The following GMDS variants were observed in gnomAD, a reference collection of about 807,000 sequenced individuals.
GMDS encodes the protein GDP-mannose 4,6-dehydratase, also known as GDP-mannose 4,6 dehydratase.
In GMDS, 20 loss-of-function variants were observed where a neutral mutation model predicts 49.9. The ratio of observed to expected loss-of-function variants is 0.40; its 90% confidence interval spans 0.28 to 0.58. GMDS has a LOEUF of 0.58. GMDS is among the 20% of genes least tolerant of loss of function. The pLI is 0.42. For synonymous variants in GMDS, 177 were observed against 178.6 expected (o/e 0.99, Z 0.07); for missense variants, 362 against 481.4 (o/e 0.75, Z 2.32).
intron 1 of GMDS, among the ~76,000 whole-genome samples, chr6:2,205,788 G>A (rs1199167167): frequency 1.3e-5 from 2 of 152,084 alleles, no homozygotes; most frequent in Non-Finnish European, 2.9e-5. Context: ...GGGGGGGAGG[G>A]GGGTGTTGTA....
rs1018405955 is a variant in GMDS, at chr6:2,117,075, T to C, written c.235+394A>G. On this transcript the variant is annotated intron_variant, in intron 3 of 10. Transcript: ENST00000380815. ...TGGGCCTATCTTCACAAATTATTTT[T>C]AAAAATAATTAAATGTACAAAGATT... Among the ~76,000 whole-genome samples, 4 of 152,352 alleles carry C rather than the reference T, an allele frequency of 2.6e-5. No individual in the cohort carries two copies. The South Asian group carries it at 6.2e-4, about 24-fold the overall frequency.
intron 1 of GMDS, among the ~76,000 whole-genome samples, chr6:2,222,692 T>C (rs1780647023): frequency 6.6e-6 from 1 of 152,000 alleles, no homozygotes; most frequent in Non-Finnish European, 1.5e-5. Context: ...ACAGGATGAG[T>C]GGCAGGTTTC....
At chr6:2,131,625 T>C (rs1363698876) in intron 1 of GMDS, among the ~76,000 whole-genome samples, 1 of 152,176 alleles carries the variant, frequency 6.6e-6, no homozygotes, top group Non-Finnish European at 1.5e-5. Flanking sequence ...GAAGGATTTA[T>C]AGGGACAGAC....
At chr6:1,724,485 A>G (rs1026440300) in intron 9 of GMDS, among the ~76,000 whole-genome samples, 8 of 152,202 alleles carry the variant, frequency 5.3e-5, no homozygotes, top group Non-Finnish European at 1.0e-4. Context: ...GGAATGACAG[A>G]CAAGCCATTC....
chr6:1,758,716 T>A (rs1768049252), intron 7 of GMDS, among the ~76,000 whole-genome samples: 1 of 152,158 alleles, frequency 6.6e-6, no homozygotes, highest in African/African-American at 2.4e-5. Context: ...AAACTCTGTG[T>A]CTAGAGCTTG....
intron 4 of GMDS, among the ~76,000 whole-genome samples, chr6:2,025,360 GTGT>G (rs1561985331): frequency 0.038 from 30 of 784 alleles, no homozygotes; most frequent in East Asian, 0.12. Flanking sequence ...ATGGTGGGGT[GTGT>G]GTGTGTGTGT....
intron 7 of GMDS, among the ~76,000 whole-genome samples, chr6:1,914,970 G>A (rs969066867): frequency 6.6e-6 from 1 of 152,218 alleles, no homozygotes; most frequent in East Asian, 1.9e-4. Flanking sequence ...ACCTTGGGAG[G>A]TCTGCAAGTC....
chr6:1,714,414 A>G (rs1341010886), intron 9 of GMDS, among the ~76,000 whole-genome samples: 1 of 151,858 alleles, frequency 6.6e-6, no homozygotes, highest in Non-Finnish European at 1.5e-5. Context: ...AAAAAAAAAA[A>G]GAAAAACATT....
chr6:2,200,420 C>T lies in GMDS; in HGVS notation c.102+44901G>A, dbSNP rs546908916. Among the ~76,000 whole-genome samples the T allele has an allele frequency of 1.7e-3, 254 of 149,548 alleles. 1 individual carries two copies. The highest frequency in any genetic ancestry group is 6.0e-3 in the African/African-American group (242 of 40,576). On this transcript the variant is annotated intron_variant, in intron 1 of 10. Coordinates refer to ENST00000380815, the MANE Select transcript of GMDS (RefSeq NM_001500.4). The stretch of plus-strand genomic sequence containing the variant: ...GAAGACAGAACACCACATGGACATC[C>T]GAGATGTAACCATCCAGGCAGTGAG...
chr6:1,924,769 T>C (rs1030325375), intron 7 of GMDS, among the ~76,000 whole-genome samples: 1 of 152,174 alleles, frequency 6.6e-6, no homozygotes, highest in African/African-American at 2.4e-5. Flanking sequence ...TGGACATTGG[T>C]TGAAAATGGC....
intron 4 of GMDS, among the ~76,000 whole-genome samples, chr6:2,066,441 C>G (rs1347459508): frequency 4.0e-5 from 6 of 149,020 alleles, no homozygotes; most frequent in Middle Eastern, 3.4e-3. Context: ...TGTAAATGGA[C>G]TAAATGCTCC....
chr6:1,913,186 C>A (rs1379701989), intron 7 of GMDS, among the ~76,000 whole-genome samples: 1 of 151,700 alleles, frequency 6.6e-6, no homozygotes, highest in African/African-American at 2.4e-5. Context: ...TCGAGACCAT[C>A]CCGGCTAAAA....
intron 1 of GMDS, among the ~76,000 whole-genome samples, chr6:2,202,219 T>G (rs527670588): frequency 4.1e-5 from 6 of 145,022 alleles, no homozygotes; most frequent in African/African-American, 1.5e-4. Context: ...GGCAGCATGT[T>G]AGCAGAGAGG....
At chr6:1,985,137 AAG>A (rs1765466234) in intron 4 of GMDS, among the ~76,000 whole-genome samples, 3 of 152,240 alleles carry the variant, frequency 2.0e-5, no homozygotes, top group Non-Finnish European at 4.4e-5. Flanking sequence ...TGTCTAAAAA[AAG>A]AGGCACATGG....
At chr6:1,848,929 G>T (rs1385544821) in intron 7 of GMDS, among the ~76,000 whole-genome samples, 5 of 152,158 alleles carry the variant, frequency 3.3e-5, no homozygotes, top group Non-Finnish European at 7.4e-5. Flanking sequence ...ATAGTTCTTT[G>T]TTGTGGGGGC....
chr6:2,198,033 C>G (rs1003267912), intron 1 of GMDS, among the ~76,000 whole-genome samples: 2 of 152,142 alleles, frequency 1.3e-5, no homozygotes, highest in African/African-American at 4.8e-5. Flanking sequence ...CATTCCTATC[C>G]CCATCTATAA....
At chr6:2,158,623 C>G (rs551740556) in intron 1 of GMDS, among the ~76,000 whole-genome samples, 2 of 152,164 alleles carry the variant, frequency 1.3e-5, no homozygotes, top group Non-Finnish European at 2.9e-5. Context: ...TAGTAAAAAC[C>G]TCTTTGGCTA....
At chr6:2,170,762 G>C (rs192428650) in intron 1 of GMDS, among the ~76,000 whole-genome samples, 1 of 152,126 alleles carries the variant, frequency 6.6e-6, no homozygotes, top group Non-Finnish European at 1.5e-5. Context: ...TTGGGAGGCC[G>C]AGGCGGGTGG....
rs151246762 is a variant in GMDS at position 2,077,740 on chromosome 6, T to C, written c.345+38031A>G. Among the ~76,000 whole-genome samples the C allele has an allele frequency of 2.6e-3, 399 of 152,208 alleles. 2 individuals carry two copies. The highest frequency in any genetic ancestry group is 9.4e-3 in the African/African-American group (390 of 41,524). On this transcript the variant is annotated intron_variant, in intron 4 of 10. Transcript: ENST00000380815. ...TTCATCAAGAATAATGACCTGTACTTTTCTTTTTTTGTGTGTCCTTGTCTG... is the reference window on the plus strand; with the variant it reads ...TTCATCAAGAATAATGACCTGTACTCTTCTTTTTTTGTGTGTCCTTGTCTG...
Sources: allele counts gnomAD v4.1 joint callset (sites outside exome capture counted in the v4.1 genomes callset), GRCh38; gene constraint gnomAD v4.1.1; transcripts MANE v1.5; gene names NCBI Gene and HGNC (gene_info 2026-07-23, HGNC 2026-07-21).